The following HDAC4 variants were observed in gnomAD, a reference collection of about 807,000 sequenced individuals.
HDAC4 encodes histone deacetylase A.
HDAC4 carries 16 observed loss-of-function variants against 135.1 expected under a neutral mutation model. The ratio of observed to expected loss-of-function variants is 0.12; its 90% confidence interval spans 0.08 to 0.18. HDAC4 has a LOEUF of 0.18. HDAC4 is among the 10% of genes least tolerant of loss of function. The pLI is 1.00. For missense variants in HDAC4, 1,143 were observed against 1,511.8 expected (o/e 0.76, Z 4.05); for synonymous variants, 685 against 653.4 (o/e 1.05, Z -0.74).
intron 2 of HDAC4, among the ~76,000 whole-genome samples, chr2:239,252,445 C>T (rs1015885757): frequency 7.2e-5 from 11 of 152,348 alleles, no homozygotes; most frequent in Admixed American, 5.2e-4. Context: ...ACACAGCCCA[C>T]GTTGTGGGAG....
At chr2:239,094,972 G>A in intron 17 of HDAC4, 38 bp downstream of exon 17, 1 of 1,613,594 alleles carries the variant, frequency 6.2e-7, no homozygotes, top group Non-Finnish European at 8.5e-7. Context: ...GACTCGAGAA[G>A]AAACAGGACA....
chr2:239,089,817 A>G lies in HDAC4; in HGVS notation c.2388+192T>C. On this transcript the variant is annotated intron_variant, in intron 18 of 26. Transcript: ENST00000543185. ...TTGAGAATCTCTGTACTATGCACAT[A>G]CCCTATCACAAATGTGGGCAATGTC... 4.8e-6 allele frequency: 3 copies of G among 625,526 alleles called. No individual in the cohort carries two copies. In the South Asian group the frequency reaches 5.4e-5, roughly 11 times the overall value. The allele number at this position is 625,526 out of a possible 1,614,324, so 38.7% of individuals were successfully genotyped here. A position where few individuals can be genotyped will look rare whatever the true frequency, so the allele number is the denominator to read the frequency against.
intron 2 of HDAC4, among the ~76,000 whole-genome samples, chr2:239,284,326 C>T (rs911064841): frequency 6.6e-6 from 1 of 152,190 alleles, no homozygotes; most frequent in East Asian, 1.9e-4. Context: ...GGGAGCGGGC[C>T]AGGGAGTGGG....
intron 3 of HDAC4, among the ~76,000 whole-genome samples, chr2:239,200,519 T>C (rs1441256076): frequency 2.0e-5 from 3 of 152,216 alleles, no homozygotes; most frequent in African/African-American, 4.8e-5. Context: ...TATATGCCAC[T>C]TCTGTTTCTC....
At chr2:239,162,345 C>CCTGGCTCCT (rs1213612361) in intron 6 of HDAC4, 1 of 456,604 alleles carries the variant, frequency 2.2e-6, no homozygotes, top group Admixed American at 2.4e-5. Context: ...CCACCCTGCC[C>CCTGGCTCCT]CTGGCTCCTC....
Position 239,066,963 on chromosome 2 carries a change from G to A in HDAC4, c.2870-108C>T, listed in dbSNP as rs193199806. ...TAAGAAGACTGGGGGCTGGGGTGTC[G>A]AGACACATGGCCAGGCCGGGTTTCG... is the stretch of plus-strand genomic sequence containing the variant. On this transcript the variant is annotated intron_variant, in intron 23 of 26. Coordinates refer to ENST00000543185, the MANE Select transcript of HDAC4 (RefSeq NM_001378414.1). The A allele has an allele frequency of 3.9e-5, 53 of 1,348,072 alleles. No individual in the cohort carries two copies. The East Asian group carries it at 1.2e-3, about 30-fold the overall frequency. 83.5% of individuals were successfully genotyped at this position (1,348,072 alleles called of 1,614,324 possible).
chr2:239,124,731 G>GCGGCCACGTTATA, intron 12 of HDAC4, among the ~76,000 whole-genome samples: 5 of 123,652 alleles, frequency 4.0e-5, no homozygotes, highest in Admixed American at 1.6e-4. Flanking sequence ...GTGCTGGCGT[G>GCGGCCACGTTATA]TGGCTGCGTT....
intron 4 of HDAC4, among the ~76,000 whole-genome samples, chr2:239,179,690 T>C (rs749814232): frequency 2.6e-5 from 4 of 152,126 alleles, no homozygotes; most frequent in South Asian, 2.1e-4. Flanking sequence ...GAAAAGTGGC[T>C]GAGGGGTAGG....
In HDAC4 at chr2:239,308,799, A is replaced by G. The variant is rs987366703; in HGVS notation, c.22+43879T>C. On this transcript the variant is annotated intron_variant, in intron 2 of 26. Transcript: ENST00000543185. This position sits in a 1 kb window ranked among gnomAD's most constrained non-coding sequence, Gnocchi z 4.2. ...CCCCAGGGCCTGTACCTGTAGCAGG[A>G]GGCTCACGTTCCGAGTCCTCATTGC... Among the ~76,000 whole-genome samples, 1 of 152,092 alleles carries G rather than the reference A, an allele frequency of 6.6e-6. No homozygotes were observed. Among genetic ancestry groups the G allele is most frequent in the African/African-American group, 2.4e-5 (1 of 41,410 alleles).
In HDAC4 at chr2:239,350,552, G is replaced by C. The variant is rs150675160; in HGVS notation, c.22+2126C>G. Among the ~76,000 whole-genome samples, 677 of 152,122 alleles carry C rather than the reference G, an allele frequency of 4.5e-3. 4 individuals are homozygous for C. The highest frequency in any genetic ancestry group is 0.016 in the African/African-American group (646 of 41,504). ...CGGAGTCTTGCTCTGTCGCCAGGCT[G>C]AAGTACAGTGGCGCAATCTCAGCTC... On this transcript the variant is annotated intron_variant, in intron 2 of 26. Transcript: ENST00000543185.
At chr2:239,073,337 T>C (rs2034394255) in intron 22 of HDAC4, among the ~76,000 whole-genome samples, 1 of 152,200 alleles carries the variant, frequency 6.6e-6, no homozygotes, top group Non-Finnish European at 1.5e-5. Context: ...CGTTAGGGGC[T>C]GAGGAAACAA....
chr2:239,286,031 A>G (rs1381742481), intron 2 of HDAC4, among the ~76,000 whole-genome samples: 1 of 152,218 alleles, frequency 6.6e-6, no homozygotes, highest in East Asian at 1.9e-4. Flanking sequence ...ATCAAAAGAC[A>G]GTCAAGTTCT....
At position 239,330,185 on chromosome 2, in the gene HDAC4, T is replaced by G. The variant is rs563406316; in HGVS notation, c.22+22493A>C. ...CCAGGTACAGCTGCCTGGAGAGCCA[T>G]GGGAGAGCCACAGGAGAGCCAGAGG... On this transcript the variant is annotated intron_variant, in intron 2 of 26. Transcript: ENST00000543185. 7.9e-5 allele frequency among the ~76,000 whole-genome samples: 12 copies of G among 152,300 alleles called. No individual in the cohort carries two copies. In the East Asian group the frequency reaches 2.3e-3, roughly 29 times the overall value.
chr2:239,071,297 C>T (rs1160761532), intron 22 of HDAC4, among the ~76,000 whole-genome samples: 1 of 152,120 alleles, frequency 6.6e-6, no homozygotes, highest in Non-Finnish European at 1.5e-5. Flanking sequence ...CACCTATAAT[C>T]CCAGCTACTC....
chr2:239,275,062 A>G (rs1405268898), intron 2 of HDAC4, among the ~76,000 whole-genome samples: 5 of 152,272 alleles, frequency 3.3e-5, no homozygotes, highest in African/African-American at 1.2e-4. Flanking sequence ...GCCCCTGGCC[A>G]CAGGATTACA....
chr2:239,354,541 CTTGAT>C (rs888391960), intron 1 of HDAC4, among the ~76,000 whole-genome samples: 15 of 117,008 alleles, frequency 1.3e-4, no homozygotes, highest in Non-Finnish European at 7.3e-5. Context: ...AATTCCTTTT[CTTGAT>C]TTAATTAGTC....
intron 19 of HDAC4, 32 bp from the exon 20 acceptor site, chr2:239,084,274 C>G (rs950308916): frequency 7.2e-6 from 11 of 1,522,666 alleles, no homozygotes; most frequent in South Asian, 1.2e-5. Flanking sequence ...GGAGACGAAG[C>G]GCAGGTGGGC....
intron 2 of HDAC4, among the ~76,000 whole-genome samples, chr2:239,334,733 C>T (rs911914196): frequency 2.6e-5 from 4 of 151,648 alleles, no homozygotes; most frequent in Admixed American, 2.0e-4. Flanking sequence ...TTTTAAAATT[C>T]ATATGGAGGC....
chr2:239,281,254 TACACACCACTCTACACACAATGA>T (rs2050719781), intron 2 of HDAC4, among the ~76,000 whole-genome samples: 1 of 131,800 alleles, frequency 7.6e-6, no homozygotes, highest in African/African-American at 2.9e-5. Context: ...CCACACAATG[TACACACCACTCTACACACAATGA>T]ACACACCACT....
Sources: allele counts gnomAD v4.1 joint callset (sites outside exome capture counted in the v4.1 genomes callset), GRCh38; gene constraint gnomAD v4.1.1; non-coding constraint Gnocchi (gnomAD v3.1); transcripts MANE v1.5; gene names NCBI Gene and HGNC (gene_info 2026-07-23, HGNC 2026-07-21).